The following F2R variants were observed in gnomAD, a reference collection of about 807,000 sequenced individuals.
F2R encodes proteinase-activated receptor 1.
In F2R, 12 loss-of-function variants were observed where a neutral mutation model predicts 18.3. The ratio of observed to expected loss-of-function variants is 0.66; its 90% CI spans 0.42 to 1.06. The LOEUF (loss-of-function observed/expected upper bound fraction) is 1.06. Among genes scored for constraint, F2R ranks in the 50% least tolerant of loss-of-function variants. F2R has a pLI of 0.00. For synonymous variants in F2R, 210 were observed against 219.9 expected (o/e 0.95, Z 0.40); for missense variants, 438 against 530.8 (o/e 0.83, Z 1.72).
At chr5:76,717,309 G>A (rs1008491817) in intron 1 of F2R, among the ~76,000 whole-genome samples, 11 of 152,244 alleles carry the variant, frequency 7.2e-5, no homozygotes, top group Non-Finnish European at 1.5e-4. Flanking sequence ...AGCCTGTAAA[G>A]GCGCTAATTA....
intron 1 of F2R, among the ~76,000 whole-genome samples, chr5:76,721,129 C>G (rs1231987756): frequency 6.6e-6 from 1 of 152,160 alleles, no homozygotes; most frequent in East Asian, 1.9e-4. Flanking sequence ...TCGTGAGCAC[C>G]TAGGCTCCCC....
In F2R at chr5:76,733,478, G is replaced by A. The variant is rs941273570; in HGVS notation, c.1253G>A (p.Ser418Asn). The A allele has an allele frequency of 2.5e-6, 4 of 1,611,434 alleles. No homozygotes were observed. Among genetic ancestry groups the A allele is most frequent in the South Asian group, 1.1e-5 (1 of 90,402 alleles). ...ACCTGCTCTAGTAACCTGAATAACAGCATATACAAAAAGCTGTTAACTTAG... is the reference window on the plus strand; with the variant it reads ...ACCTGCTCTAGTAACCTGAATAACAACATATACAAAAAGCTGTTAACTTAG... ...MDTCSSNLNN[S>N]IYKKLLT Residue 418 changes from serine to asparagine, a missense_variant, in exon 2 of 2, where the codon AGC becomes AAC. Physicochemically the swap from Ser to Asn is conservative, Grantham distance 46. Coordinates refer to ENST00000319211, the MANE Select transcript of F2R (RefSeq NM_001992.5).
At position 76,732,503 on chromosome 5, in the gene F2R, C is replaced by A. The variant is rs752747780; in HGVS notation, c.278C>A (p.Ser93Tyr). Residue 93 changes from serine (S) to tyrosine (Y), a missense_variant, in exon 2 of 2, where the codon TCC becomes TAC. By Grantham distance (144) the Ser-to-Tyr change is moderately radical. Coordinates refer to ENST00000319211, the MANE Select transcript of F2R (RefSeq NM_001992.5). The part of the protein sequence containing the change: ...QLPAFISEDA[S>Y]GYLTSSWLTL... ...CCTGCATTCATCTCAGAAGATGCCT[C>A]CGGATATTTGACCAGCTCCTGGCTG... The A allele has an allele frequency of 2.4e-5, 38 of 1,614,036 alleles. No homozygotes were observed. The highest frequency in any genetic ancestry group is 3.1e-5 in the Non-Finnish European group (36 of 1,180,034).
chr5:76,726,814 C>G (rs1344057706), intron 1 of F2R, among the ~76,000 whole-genome samples: 4 of 152,166 alleles, frequency 2.6e-5, no homozygotes, highest in Non-Finnish European at 5.9e-5. Flanking sequence ...TGTTTAAGTG[C>G]CAGAAGCCAT....
At position 76,720,230 on chromosome 5, in the gene F2R, G is replaced by A. The variant is rs181459442; in HGVS notation, c.88+3835G>A. Among the ~76,000 whole-genome samples, 9 of 152,094 alleles carry A rather than the reference G, an allele frequency of 5.9e-5. No homozygotes were observed. In the East Asian group the frequency reaches 7.7e-4, roughly 13 times the overall value. ...TTTGGGAACCCTAGGCCAGATGATC[G>A]CTTGAGACCAGCCTAGGCAACATAG... On this transcript the variant is annotated intron_variant, in intron 1 of 1. Transcript: ENST00000319211.
intron 1 of F2R, among the ~76,000 whole-genome samples, chr5:76,730,992 T>C (rs1383190271): frequency 6.6e-6 from 1 of 152,232 alleles, no homozygotes; most frequent in Non-Finnish European, 1.5e-5. Flanking sequence ...TCTTGGGCAC[T>C]ACCTTCCAGG....
intron 1 of F2R, among the ~76,000 whole-genome samples, chr5:76,727,846 T>C (rs1580892739): frequency 6.6e-6 from 1 of 150,624 alleles, no homozygotes; most frequent in East Asian, 1.9e-4. Flanking sequence ...CAACTTGAGG[T>C]TGGTTTCCGC....
chr5:76,721,677 A>G (rs1748459117), intron 1 of F2R, among the ~76,000 whole-genome samples: 1 of 152,268 alleles, frequency 6.6e-6, no homozygotes. Flanking sequence ...AACCAACAGT[A>G]AGAACTGTAG....
At position 76,734,702 on chromosome 5, in the gene F2R, TAG is replaced by T. The variant is rs1346884876; in HGVS notation, c.*1202_*1203del. 1 of 152,344 alleles carries T rather than the reference TAG, an allele frequency of 6.6e-6. No homozygotes were observed. Among genetic ancestry groups the T allele is most frequent in the Non-Finnish European group, 1.5e-5 (1 of 68,042 alleles). The allele number at this position is 152,344 out of a possible 1,614,324, so 9.4% of individuals were successfully genotyped here. A position where few individuals can be genotyped will look rare whatever the true frequency, so the allele number is the denominator to read the frequency against. ...CCTCAAGAGCAAAGTAGATCATGCA[TAG>T]AGTGTGATGTATGTGTAATAAATAT... On this transcript the variant is annotated 3_prime_UTR_variant, in exon 2 of 2. Transcript: ENST00000319211.
At chr5:76,724,859 C>T (rs910765530) in intron 1 of F2R, among the ~76,000 whole-genome samples, 1 of 152,164 alleles carries the variant, frequency 6.6e-6, no homozygotes, top group African/African-American at 2.4e-5. Context: ...TTAAGAAGCC[C>T]CAGTTCTTTT....
chr5:76,731,780 G>A (rs866474197), intron 1 of F2R, among the ~76,000 whole-genome samples: 5 of 151,880 alleles, frequency 3.3e-5, no homozygotes, highest in African/African-American at 4.8e-5. Flanking sequence ...CACCCACCTC[G>A]GACTCCCAAA....
rs372907246 is a variant in F2R, at chr5:76,733,950, T to C, written c.*447T>C. Reference sequence around the variant, plus strand: ...GGTTGGTAGAGTTTAGCCCTGAACATTTCATGGTGTTCATCAACAGTGAGA... The same window carrying C: ...GGTTGGTAGAGTTTAGCCCTGAACACTTCATGGTGTTCATCAACAGTGAGA... On this transcript the variant is annotated 3_prime_UTR_variant, in exon 2 of 2. Coordinates refer to ENST00000319211, the MANE Select transcript of F2R (RefSeq NM_001992.5). 4.3e-4 allele frequency: 69 copies of C among 161,322 alleles called. 1 individual carries two copies. The East Asian group carries it at 8.6e-3, about 20-fold the overall frequency. The allele number at this position is 161,322 out of a possible 1,614,324, so 10.0% of individuals were successfully genotyped here. A position where few individuals can be genotyped will look rare whatever the true frequency, so the allele number is the denominator to read the frequency against.
rs1028887456 is a variant in F2R, at chr5:76,716,599, G to C, written c.88+204G>C. The C allele has an allele frequency of 7.0e-6, 5 of 710,424 alleles. No individual in the cohort carries two copies. The East Asian group carries it at 1.1e-4, about 15-fold the overall frequency. 44.0% of individuals were successfully genotyped at this position (710,424 alleles called of 1,614,324 possible). Reference sequence around the variant, plus strand: ...CGCGGGCCCAGCCGATGCCCCTTTGGACTCGATCTTGGAGGGTGCAGCCCG... The same window carrying C: ...CGCGGGCCCAGCCGATGCCCCTTTGCACTCGATCTTGGAGGGTGCAGCCCG... On this transcript the variant is annotated intron_variant, in intron 1 of 1. Transcript: ENST00000319211.
At chr5:76,729,528 T>C (rs1748631477) in intron 1 of F2R, among the ~76,000 whole-genome samples, 1 of 152,264 alleles carries the variant, frequency 6.6e-6, no homozygotes, top group Non-Finnish European at 1.5e-5. Context: ...AGTTGTCTAC[T>C]TCTCCTTTTA....
At chr5:76,724,272 C>T (rs557254112) in intron 1 of F2R, among the ~76,000 whole-genome samples, 4 of 152,250 alleles carry the variant, frequency 2.6e-5, no homozygotes, top group African/African-American at 9.6e-5. Context: ...GATTTTGCTG[C>T]ATTGCCCAGG....
intron 1 of F2R, among the ~76,000 whole-genome samples, chr5:76,718,105 T>A (rs139408085): frequency 6.6e-6 from 1 of 152,158 alleles, no homozygotes; most frequent in Admixed American, 6.5e-5. Context: ...AATTTTCACT[T>A]GGATTGTCTC....
intron 1 of F2R, among the ~76,000 whole-genome samples, chr5:76,730,413 A>C (rs1018713102): frequency 2.6e-5 from 4 of 152,286 alleles, no homozygotes; most frequent in South Asian, 4.1e-4. Flanking sequence ...CGGATTTTCT[A>C]TCTGGGTTTT....
intron 1 of F2R, among the ~76,000 whole-genome samples, chr5:76,724,912 T>C (rs1466316627): frequency 2.6e-5 from 4 of 152,252 alleles, no homozygotes; most frequent in African/African-American, 9.6e-5. Flanking sequence ...GAGTAAAACA[T>C]TCCAGTAATG....
chr5:76,723,630 C>T (rs1748508099), intron 1 of F2R, among the ~76,000 whole-genome samples: 1 of 152,152 alleles, frequency 6.6e-6, no homozygotes, highest in African/African-American at 2.4e-5. Flanking sequence ...AGAGTTGATA[C>T]CAAATAAATT....
Sources: gnomAD v4.1 joint callset for allele counts (sites outside exome capture counted in the v4.1 genomes callset) on GRCh38, gnomAD v4.1.1 for gene constraint, MANE v1.5 for transcripts, NCBI Gene and HGNC (gene_info 2026-07-23, HGNC 2026-07-21) for gene names.